RNF38: variants seen among roughly 807,000 people sequenced by gnomAD.
RNF38 encodes the protein ring finger protein 38, also known as E3 ubiquitin-protein ligase RNF38.
RNF38 carries 15 observed loss-of-function variants against 67.2 expected under a neutral mutation model. The ratio of observed to expected loss-of-function variants is 0.22; its 90% CI spans 0.15 to 0.34. The LOEUF (loss-of-function observed/expected upper bound fraction) is 0.34, where lower values mean the gene tolerates loss of function less well. Ranked by LOEUF, RNF38 falls within the 10% of genes least tolerant of loss-of-function variation. The probability of loss-of-function intolerance (pLI) is 1.00; values close to 1 mark genes in which losing one functional copy is unlikely to be tolerated. For missense variants in RNF38, 524 were observed against 639.9 expected, an observed-to-expected ratio of 0.82 and a Z score of 1.95; for synonymous variants, 220 against 218.8, an observed-to-expected ratio of 1.01 and a Z score of -0.05.
At chr9:36,455,336 A>G (rs1839562450) in intron 1 of RNF38, among the ~76,000 whole-genome samples, 1 of 151,432 alleles carries the variant, frequency 6.6e-6, no homozygotes, top group Non-Finnish European at 1.5e-5. Flanking sequence ...TGCTGGGATT[A>G]CAGGCATTAG....
chr9:36,405,328 T>C (rs1838151587), upstream of RNF38, among the ~76,000 whole-genome samples: 2 of 152,250 alleles, frequency 1.3e-5, no homozygotes, highest in African/African-American at 4.8e-5. Context: ...ATCTACAAGT[T>C]AATCATATGA....
intron 1 of RNF38, among the ~76,000 whole-genome samples, chr9:36,452,557 G>T (rs568540083): frequency 6.0e-5 from 9 of 148,902 alleles, no homozygotes; most frequent in African/African-American, 2.2e-4. Flanking sequence ...TTCTTGAGAT[G>T]GAGTCTCACT....
At chr9:36,383,843 A>G (rs930673640) in intron 2 of RNF38, among the ~76,000 whole-genome samples, 1 of 152,140 alleles carries the variant, frequency 6.6e-6, no homozygotes, top group African/African-American at 2.4e-5. Context: ...AAAGAAAATA[A>G]CAGTTTGATA....
intron 1 of RNF38, among the ~76,000 whole-genome samples, chr9:36,425,334 G>A (rs906355229): frequency 1.3e-5 from 2 of 152,066 alleles, no homozygotes; most frequent in East Asian, 1.9e-4. Context: ...AAACAAAATG[G>A]TGAGTCAAAG....
upstream of RNF38, chr9:36,487,653 G>A (rs1392873011): frequency 6.8e-6 from 6 of 888,020 alleles, no homozygotes; most frequent in South Asian, 4.9e-5. Context: ...TGGCGGCGAC[G>A]GAGGCGGCTC....
At chr9:36,362,240 C>T (rs1396701576) in intron 4 of RNF38, among the ~76,000 whole-genome samples, 1 of 151,790 alleles carries the variant, frequency 6.6e-6, no homozygotes, top group Non-Finnish European at 1.5e-5. Context: ...CACCTATAAT[C>T]CCAGCTACTC....
At chr9:36,423,394 C>G (rs1182879873) in intron 2 of RNF38, among the ~76,000 whole-genome samples, 1 of 152,132 alleles carries the variant, frequency 6.6e-6, no homozygotes, top group Non-Finnish European at 1.5e-5. Flanking sequence ...ACTTCTTGAT[C>G]CAGCTCCAAC....
At position 36,390,154 on chromosome 9, in the gene RNF38, T is replaced by C. The variant is rs574866037; in HGVS notation, c.162+313A>G. 2.0e-5 allele frequency among the ~76,000 whole-genome samples: 3 copies of C among 152,270 alleles called. No homozygotes were observed. In the East Asian group the frequency reaches 5.8e-4, roughly 29 times the overall value. On this transcript the variant is annotated intron_variant, in intron 2 of 11. Coordinates refer to ENST00000259605, the MANE Select transcript of RNF38 (RefSeq NM_022781.5). ...TTCATTTTTCCTTTCCTACACAACT[T>C]CATATATTCTACACTATCTTCTACT...
intron 1 of RNF38, among the ~76,000 whole-genome samples, chr9:36,471,307 C>T (rs1839992996): frequency 6.6e-6 from 1 of 152,146 alleles, no homozygotes; most frequent in Admixed American, 6.5e-5. Flanking sequence ...TCCATAGAAA[C>T]AAGAGGTTTT....
chr9:36,382,505 C>T (rs896242390), intron 2 of RNF38, among the ~76,000 whole-genome samples: 2 of 152,048 alleles, frequency 1.3e-5, no homozygotes, highest in Non-Finnish European at 2.9e-5. Context: ...TCATTAAAGG[C>T]TAAAGAAAAA....
rs73648736 is a variant in RNF38, at chr9:36,342,205, T to C, written c.1485+120A>G. 545 of 720,052 alleles carry C rather than the reference T, an allele frequency of 7.6e-4. 2 individuals carry two copies. The African/African-American group carries it at 8.8e-3, about 12-fold the overall frequency. The allele number at this position is 720,052 out of a possible 1,614,324, so 44.6% of individuals were successfully genotyped here. ...CTTTTCTCATTTGCAGAGATCATAC[T>C]GAAAGCTGTGTTTCCATTTTGTCTT... On this transcript the variant is annotated intron_variant, in intron 11 of 11. Coordinates refer to ENST00000259605, the MANE Select transcript of RNF38 (RefSeq NM_022781.5).
chr9:36,398,603 T>C (rs1837730891), intron 1 of RNF38, among the ~76,000 whole-genome samples: 1 of 152,218 alleles, frequency 6.6e-6, no homozygotes, highest in Non-Finnish European at 1.5e-5. Flanking sequence ...AGACAAGAAC[T>C]ATACTGTTCA....
intron 2 of RNF38, among the ~76,000 whole-genome samples, chr9:36,390,102 A>G (rs558132290): frequency 6.6e-6 from 1 of 152,252 alleles, no homozygotes; most frequent in African/African-American, 2.4e-5. Flanking sequence ...GGTGCCAAGC[A>G]AGTAACTAGT....
chr9:36,405,231 C>T (rs556891268), upstream of RNF38, among the ~76,000 whole-genome samples: 6 of 151,612 alleles, frequency 4.0e-5, no homozygotes, highest in Non-Finnish European at 8.8e-5. Flanking sequence ...CGTGCCTTTG[C>T]ACTGCAGCCT....
upstream of RNF38, among the ~76,000 whole-genome samples, chr9:36,402,606 G>C (rs978493554): frequency 7.9e-5 from 12 of 152,120 alleles, no homozygotes; most frequent in Admixed American, 7.2e-4. Context: ...AAGAACATCA[G>C]GAAAGGAAAG....
At chr9:36,344,526 T>G (rs1336991943) in intron 10 of RNF38, among the ~76,000 whole-genome samples, 1 of 152,174 alleles carries the variant, frequency 6.6e-6, no homozygotes, top group East Asian at 1.9e-4. Context: ...AGAACAGCCC[T>G]AACAGAACTT....
Position 36,352,799 on chromosome 9 carries a change from C to G in RNF38, c.1121G>C (p.Arg374Pro), listed in dbSNP as rs1013837278. Residue 374 changes from arginine to proline, a missense_variant, in exon 8 of 12, where the codon CGA becomes CCA. Physicochemically the swap from Arg to Pro is moderately radical, Grantham distance 103. Around this residue, in one of 2 missense-constraint regions of RNF38, gnomAD observed 461 missense variants for 517.4 expected, o/e 0.89. Transcript: ENST00000259605. ...PRRLTGRSRY[R>P]SQQPIPPPPY... ...GGGAGGTGGTATTGGCTGCTGGGATCGGTATCTACTACGTCCTGTAAGCCT... is the reference window on the plus strand; with the variant it reads ...GGGAGGTGGTATTGGCTGCTGGGATGGGTATCTACTACGTCCTGTAAGCCT... The G allele has an allele frequency of 1.2e-6, 2 of 1,613,798 alleles. No individual in the cohort carries two copies. Among genetic ancestry groups the G allele is most frequent in the African/African-American group, 2.7e-5 (2 of 74,860 alleles).
intron 2 of RNF38, among the ~76,000 whole-genome samples, chr9:36,407,042 C>T (rs1365631632): frequency 6.6e-6 from 1 of 152,178 alleles, no homozygotes; most frequent in African/African-American, 2.4e-5. Flanking sequence ...TAAAGCTGCA[C>T]TGAGGGAAAA....
intron 2 of RNF38, among the ~76,000 whole-genome samples, chr9:36,381,123 T>TG (rs1291648900): frequency 6.6e-6 from 1 of 152,204 alleles, no homozygotes; most frequent in African/African-American, 2.4e-5. Flanking sequence ...ACACCCTATT[T>TG]GGGGTTCAGA....
Sources: allele counts gnomAD v4.1 joint callset (sites outside exome capture counted in the v4.1 genomes callset), GRCh38; gene constraint gnomAD v4.1.1; regional missense constraint gnomAD v4.1.1; transcripts MANE v1.5; gene names NCBI Gene and HGNC (gene_info 2026-07-23, HGNC 2026-07-21).